CPAMD8: variants seen among roughly 807,000 people sequenced by gnomAD.
The protein encoded by CPAMD8 is C3 and PZP like alpha-2-macroglobulin domain containing 8.
A neutral mutation model predicts 224.7 loss-of-function variants in CPAMD8; 146 were observed. That is an observed-to-expected ratio of 0.65 (90% CI 0.57 to 0.75). The LOEUF is 0.75. Among genes scored for constraint, CPAMD8 ranks in the 30% least tolerant of loss-of-function variants. CPAMD8 has a pLI of 0.00. For missense variants in CPAMD8, 2,301 were observed against 2,537.5 expected (o/e 0.91, Z 2.00); for synonymous variants, 966 against 1,044.6 (o/e 0.92, Z 1.45).
At chr19:17,015,810 C>T (rs1224491934) in intron 3 of CPAMD8, among the ~76,000 whole-genome samples, 1 of 152,122 alleles carries the variant, frequency 6.6e-6, no homozygotes, top group Non-Finnish European at 1.5e-5. Context: ...GCTGGAGGGA[C>T]AGGGAGGCTG....
intron 27 of CPAMD8, among the ~76,000 whole-genome samples, chr19:16,915,410 C>T (rs916503621): frequency 2.6e-5 from 4 of 152,116 alleles, no homozygotes; most frequent in African/African-American, 7.2e-5. Flanking sequence ...AGGAAAAAAA[C>T]GAGCCCCAGT....
intron 3 of CPAMD8, among the ~76,000 whole-genome samples, chr19:17,012,374 G>A (rs574533708): frequency 1.4e-5 from 2 of 139,302 alleles, no homozygotes; most frequent in African/African-American, 5.1e-5. Flanking sequence ...TTCAGGCAGG[G>A]TTTATCTCTG....
Position 16,896,163 on chromosome 19 carries a change from G to T in CPAMD8, c.5426+13C>A. ...CCTATGTCTCTTATCTCTGGGGTGG[G>T]CCCAGCTGTTACCTGTCCTCCGCCT... On this transcript the variant is annotated intron_variant, in intron 41 of 41. Coordinates refer to ENST00000443236, the MANE Select transcript of CPAMD8 (RefSeq NM_015692.5). The T allele has an allele frequency of 6.2e-7, 1 of 1,613,444 alleles. No individual in the cohort carries two copies. The highest frequency in any genetic ancestry group is 8.5e-7 in the Non-Finnish European group (1 of 1,179,832).
chr19:17,022,305 A>G, intron 1 of CPAMD8, 124 bp from the exon 2 acceptor site: 2 of 1,093,322 alleles, frequency 1.8e-6, no homozygotes, highest in Non-Finnish European at 1.3e-6. Context: ...CCTGGCTGGC[A>G]TTGATGCTCT....
At chr19:16,894,236 C>T (rs532899995) in intron 41 of CPAMD8, 2 of 369,004 alleles carry the variant, frequency 5.4e-6, no homozygotes, top group East Asian at 1.5e-4. Context: ...GCTGAGCCCA[C>T]ACCTGGGTCC....
At chr19:16,924,534 T>C (rs1233443901) in intron 26 of CPAMD8, among the ~76,000 whole-genome samples, 1 of 152,180 alleles carries the variant, frequency 6.6e-6, no homozygotes, top group Non-Finnish European at 1.5e-5. Context: ...GCCTTCAAGA[T>C]GCCAGACTTT....
chr19:16,998,855 G>A (rs978989419), intron 10 of CPAMD8, among the ~76,000 whole-genome samples: 2 of 152,128 alleles, frequency 1.3e-5, no homozygotes, highest in African/African-American at 4.8e-5. Flanking sequence ...CAAAAATGTA[G>A]GTCCACAGAA....
chr19:16,934,305 G>A (rs1476357549), intron 23 of CPAMD8, among the ~76,000 whole-genome samples: 1 of 152,144 alleles, frequency 6.6e-6, no homozygotes, highest in Non-Finnish European at 1.5e-5. Context: ...CATTTAAAAT[G>A]TGTGTAATTT....
At chr19:17,010,476 C>T (rs1405572544) in intron 5 of CPAMD8, among the ~76,000 whole-genome samples, 3 of 152,050 alleles carry the variant, frequency 2.0e-5, no homozygotes, top group Middle Eastern at 3.2e-3. Flanking sequence ...CTGGCCACAG[C>T]GATCTTCCTG....
chr19:16,929,196 C>T lies in CPAMD8; in HGVS notation c.2890G>A (p.Val964Met), dbSNP rs766480605. Reference sequence around the variant, plus strand: ...CGGGTGAGGCGCAGTGGCCGCTGCACATACTGGAACTCATACTTGTTGGGG... The same window carrying T: ...CGGGTGAGGCGCAGTGGCCGCTGCATATACTGGAACTCATACTTGTTGGGG... The part of the protein sequence containing the change: ...STPNKYEFQY[V>M]QRPLRLTRFD... Residue 964 changes from valine (V) to methionine (M), a missense_variant, in exon 24 of 42, where the codon GTG (valine) becomes ATG (methionine). Around this residue, in one of 4 missense-constraint regions of CPAMD8, gnomAD observed 1,709 missense variants for 1,753.2 expected, o/e 0.97. Transcript: ENST00000443236. 1.9e-6 allele frequency: 3 copies of T among 1,612,254 alleles called. No individual in the cohort carries two copies. Among genetic ancestry groups the T allele is most frequent in the Non-Finnish European group, 2.5e-6 (3 of 1,178,520 alleles).
chr19:16,896,088 G>A, intron 41 of CPAMD8, 88 bp downstream of exon 41: 1 of 1,463,884 alleles, frequency 6.8e-7, no homozygotes, highest in Non-Finnish European at 9.5e-7. Flanking sequence ...AGGAGTCGGG[G>A]CAGGTCGTCG....
At chr19:16,951,860 C>T in intron 20 of CPAMD8, 109 bp downstream of exon 20, 1 of 731,008 alleles carries the variant, frequency 1.4e-6, no homozygotes, top group Non-Finnish European at 2.3e-6. Context: ...TCTCGCCCTC[C>T]TAAATCCCCC....
At chr19:17,025,380 C>T (rs1005975648) in intron 1 of CPAMD8, among the ~76,000 whole-genome samples, 4 of 152,144 alleles carry the variant, frequency 2.6e-5, no homozygotes, top group African/African-American at 9.7e-5. Flanking sequence ...CCATTGCACT[C>T]CAGCCTGGGC....
intron 3 of CPAMD8, among the ~76,000 whole-genome samples, chr19:17,017,968 G>A (rs965747971): frequency 6.6e-6 from 1 of 151,742 alleles, no homozygotes; most frequent in African/African-American, 2.4e-5. Context: ...AGGAAGCGGA[G>A]GTTGCAGTGA....
intron 18 of CPAMD8, among the ~76,000 whole-genome samples, chr19:16,963,618 A>G (rs1447547734): frequency 2.0e-5 from 3 of 152,196 alleles, no homozygotes; most frequent in Non-Finnish European, 2.9e-5. Context: ...CCCTCTATCA[A>G]TATTAGACAG....
intron 10 of CPAMD8, 163 bp downstream of exon 10, chr19:17,000,251 C>A: frequency 1.9e-6 from 1 of 525,282 alleles, no homozygotes; most frequent in South Asian, 3.0e-5. Context: ...CCCAGGAGTT[C>A]AAGACAAGCC....
In CPAMD8 at chr19:16,914,756, G is replaced by A. The variant is rs751350516; in HGVS notation, c.3687C>T (p.Asp1229=). Residue 1229 remains aspartate, a synonymous_variant, in exon 28 of 42, where the codon GAC becomes GAT. Transcript: ENST00000443236. ...FAQARSFIFV[D]PRELAAAKSW... ...TCTTGGCGGCAGCCAGCTCCCGGGG[G>A]TCCACGAAGATAAAGCTGCGAGCCT... The A allele has an allele frequency of 3.1e-6, 5 of 1,613,976 alleles. No homozygotes were observed. Among genetic ancestry groups the A allele is most frequent in the East Asian group, 4.5e-5 (2 of 44,900 alleles).
chr19:16,978,795 A>T (rs1443744914), intron 14 of CPAMD8, among the ~76,000 whole-genome samples: 1 of 151,330 alleles, frequency 6.6e-6, no homozygotes, highest in Admixed American at 6.6e-5. Context: ...CCATCCATCC[A>T]TCTCTTCATC....
intron 11 of CPAMD8, among the ~76,000 whole-genome samples, chr19:16,995,826 C>T (rs989442609): frequency 2.6e-5 from 4 of 152,050 alleles, no homozygotes; most frequent in Non-Finnish European, 5.9e-5. Flanking sequence ...ACCAGTCTGG[C>T]CAACACAGCA....
Sources: allele counts gnomAD v4.1 joint callset (sites outside exome capture counted in the v4.1 genomes callset), GRCh38; gene constraint gnomAD v4.1.1; regional missense constraint gnomAD v4.1.1; transcripts MANE v1.5; gene names NCBI Gene and HGNC (gene_info 2026-07-23, HGNC 2026-07-21).